SHQ1: variants seen among roughly 807,000 people sequenced by gnomAD.
SHQ1 encodes the protein protein SHQ1 homolog.
In SHQ1, 49 loss-of-function variants were observed where a neutral mutation model predicts 53.8. The observed-to-expected ratio is 0.91, with a 90% CI of 0.72 to 1.16. The LOEUF (loss-of-function observed/expected upper bound fraction) is 1.16. Ranked by LOEUF, SHQ1 falls within the 50% of genes most tolerant of loss-of-function variation. SHQ1 has a pLI of 0.00. For synonymous variants in SHQ1, 243 were observed against 251.0 expected (o/e 0.97, Z 0.30); for missense variants, 738 against 683.1 (o/e 1.08, Z -0.90).
chr3:72,781,593 C>CATCAGGAG lies in SHQ1; in HGVS notation c.1181+11315_1181+11322dup, dbSNP rs1310844476. 5.9e-5 allele frequency among the ~76,000 whole-genome samples: 9 copies of CATCAGGAG among 152,202 alleles called. No individual in the cohort carries two copies. The East Asian group carries it at 1.5e-3, about 26-fold the overall frequency. ...ACAGAGCAGAAAGAAGAGACCATAT[C>CATCAGGAG]ATCAGGAGTCTTTAATTGGCAGAGA... is the stretch of plus-strand genomic sequence containing the variant. On this transcript the variant is annotated intron_variant, in intron 10 of 10. Coordinates refer to ENST00000325599, the MANE Select transcript of SHQ1 (RefSeq NM_018130.3).
intron 10 of SHQ1, among the ~76,000 whole-genome samples, chr3:72,770,867 A>G (rs565545655): frequency 6.6e-6 from 1 of 152,360 alleles, no homozygotes; most frequent in Admixed American, 6.5e-5. Context: ...GGTGATCCCC[A>G]GAAGTTACTA....
intron 4 of SHQ1, among the ~76,000 whole-genome samples, chr3:72,835,836 G>GA (rs1559697785): frequency 6.6e-6 from 1 of 152,140 alleles, no homozygotes; most frequent in Non-Finnish European, 1.5e-5. Flanking sequence ...TTTCTCAAAG[G>GA]AGTCTTCTCT....
intron 1 of SHQ1, chr3:72,846,298 CTTT>C (rs745807243): frequency 4.2e-4 from 588 of 1,416,008 alleles, no homozygotes; most frequent in Middle Eastern, 1.3e-3. Flanking sequence ...ACTGTATGTT[CTTT>C]TTTTTTTTTT....
At chr3:72,732,268 G>A in the SHQ1 span, among the ~76,000 whole-genome samples, 59 of 151,058 alleles carry the variant, frequency 3.9e-4, no homozygotes, top group Non-Finnish European at 6.3e-4. Context: ...CAGCAGTGCC[G>A]GCATTGTTTG....
chr3:72,797,564 TA>T (rs1307138305), intron 9 of SHQ1, among the ~76,000 whole-genome samples: 3 of 152,230 alleles, frequency 2.0e-5, no homozygotes, highest in Non-Finnish European at 4.4e-5. Flanking sequence ...ATTATATTTT[TA>T]AACAACTGAG....
chr3:72,744,283 C>A (rs930718492), downstream of SHQ1, among the ~76,000 whole-genome samples: 1 of 152,236 alleles, frequency 6.6e-6, no homozygotes, highest in Non-Finnish European at 1.5e-5. Flanking sequence ...AAGACACCAA[C>A]ATACCACTAT....
chr3:72,845,031 A>G (rs1484270808), intron 1 of SHQ1, among the ~76,000 whole-genome samples: 1 of 152,230 alleles, frequency 6.6e-6, no homozygotes, highest in Non-Finnish European at 1.5e-5. Flanking sequence ...GGGACACTCA[A>G]TCTGTACAGA....
the SHQ1 span, among the ~76,000 whole-genome samples, chr3:72,734,365 C>T: frequency 6.6e-6 from 1 of 151,064 alleles, no homozygotes; most frequent in Non-Finnish European, 1.5e-5. Flanking sequence ...CGGTGATTCT[C>T]CTGCTTCAGC....
intron 10 of SHQ1, among the ~76,000 whole-genome samples, chr3:72,790,665 T>G (rs909982225): frequency 6.6e-6 from 1 of 152,110 alleles, no homozygotes; most frequent in African/African-American, 2.4e-5. Flanking sequence ...ATGTTGTGCT[T>G]GTAAAATTAA....
downstream of SHQ1, among the ~76,000 whole-genome samples, chr3:72,747,844 C>G (rs543411064): frequency 1.6e-3 from 234 of 148,406 alleles, no homozygotes; most frequent in African/African-American, 5.8e-3. Flanking sequence ...AAAAAATTAG[C>G]CAGGTGTGGT....
At chr3:72,791,501 T>C (rs1185772367) in intron 10 of SHQ1, among the ~76,000 whole-genome samples, 1 of 152,190 alleles carries the variant, frequency 6.6e-6, no homozygotes, top group East Asian at 1.9e-4. Context: ...TGCAATATAA[T>C]TGCTCCCCCA....
At chr3:72,737,610 G>A in the SHQ1 span, among the ~76,000 whole-genome samples, 1 of 152,168 alleles carries the variant, frequency 6.6e-6, no homozygotes, top group Non-Finnish European at 1.5e-5. Flanking sequence ...TATAACCTAT[G>A]TGCATCCTCC....
At chr3:72,828,613 G>C (rs1349126075) in intron 5 of SHQ1, among the ~76,000 whole-genome samples, 1 of 151,818 alleles carries the variant, frequency 6.6e-6, no homozygotes, top group Non-Finnish European at 1.5e-5. Context: ...AGAATGACTT[G>C]AACCCCGGGA....
At chr3:72,740,803 T>C in the SHQ1 span, among the ~76,000 whole-genome samples, 109,623 of 152,080 alleles carry the variant, frequency 0.72, 40,929 homozygotes, top group African/African-American at 0.93. Flanking sequence ...CTCCCTTTCC[T>C]ATGACCAGCT....
intron 10 of SHQ1, among the ~76,000 whole-genome samples, chr3:72,768,351 GC>G (rs1705776568): frequency 6.6e-6 from 1 of 152,148 alleles, no homozygotes; most frequent in South Asian, 2.1e-4. Flanking sequence ...TTCAGATGGA[GC>G]CTGAGGAATA....
intron 9 of SHQ1, among the ~76,000 whole-genome samples, chr3:72,807,511 T>G (rs1706988539): frequency 6.6e-6 from 1 of 152,228 alleles, no homozygotes; most frequent in Non-Finnish European, 1.5e-5. Flanking sequence ...TATAGATAAA[T>G]GTCAACACTG....
intron 5 of SHQ1, among the ~76,000 whole-genome samples, chr3:72,829,915 A>C (rs1479924081): frequency 6.6e-6 from 1 of 152,222 alleles, no homozygotes; most frequent in African/African-American, 2.4e-5. Context: ...TCTCAGCAAG[A>C]GAAGTATGAA....
At chr3:72,840,242 T>TAAAAAAAAAAAAAA (rs71623990) in intron 4 of SHQ1, among the ~76,000 whole-genome samples, 5 of 93,590 alleles carry the variant, frequency 5.3e-5, no homozygotes, top group Non-Finnish European at 6.0e-5. Flanking sequence ...GACTCTGTCT[T>TAAAAAAAAAAAAAA]AAAAAAAAAA....
intron 10 of SHQ1, among the ~76,000 whole-genome samples, chr3:72,775,899 C>T (rs1328226012): frequency 6.6e-6 from 1 of 152,046 alleles, no homozygotes; most frequent in Non-Finnish European, 1.5e-5. Context: ...CTTGATAAAG[C>T]CTATCTACAA....
Sources: gnomAD v4.1 joint callset for allele counts (sites outside exome capture counted in the v4.1 genomes callset) on GRCh38, gnomAD v4.1.1 for gene constraint, MANE v1.5 for transcripts, NCBI Gene and HGNC (gene_info 2026-07-23, HGNC 2026-07-21) for gene names.